Variants in PEBP4 observed in about 807,000 individuals in gnomAD.
PEBP4 encodes phosphatidylethanolamine binding protein 4.
A neutral mutation model predicts 23.9 loss-of-function variants in PEBP4; 22 were observed. That is an observed-to-expected ratio of 0.92 (90% confidence interval 0.66 to 1.31). The LOEUF (loss-of-function observed/expected upper bound fraction) is 1.31, where lower values mean the gene tolerates loss of function less well. PEBP4 is among the 40% of genes most tolerant of loss of function. PEBP4 has a pLI of 0.00. For missense variants in PEBP4, 324 were observed against 281.7 expected, an observed-to-expected ratio of 1.15 and a Z score of -1.07; for synonymous variants, 112 against 99.3, an observed-to-expected ratio of 1.13 and a Z score of -0.76.
chr8:22,896,644 C>T (rs1452556889), intron 3 of PEBP4, among the ~76,000 whole-genome samples: 1 of 152,198 alleles, frequency 6.6e-6, no homozygotes, highest in East Asian at 1.9e-4. Flanking sequence ...AGCTAAGGCT[C>T]AGCAGTGACA....
chr8:22,727,142 G>T, intron 5 of PEBP4, 33 bp downstream of exon 5: 1 of 1,611,848 alleles, frequency 6.2e-7, no homozygotes, highest in Non-Finnish European at 8.5e-7. Flanking sequence ...TGATGCCCTG[G>T]CTGGGGGAAG....
At chr8:22,826,484 T>C (rs978404577) in intron 3 of PEBP4, among the ~76,000 whole-genome samples, 1 of 152,182 alleles carries the variant, frequency 6.6e-6, no homozygotes, top group Admixed American at 6.5e-5. Context: ...AGAAAATAAG[T>C]GAACATTGTT....
chr8:22,938,005 C>G (rs1809562221), intron 1 of PEBP4, among the ~76,000 whole-genome samples: 1 of 152,158 alleles, frequency 6.6e-6, no homozygotes, highest in Non-Finnish European at 1.5e-5. Flanking sequence ...AGGGGAAAAT[C>G]TTCATGACAT....
intron 4 of PEBP4, among the ~76,000 whole-genome samples, chr8:22,760,485 T>G (rs868591803): frequency 6.6e-6 from 1 of 151,934 alleles, no homozygotes; most frequent in Non-Finnish European, 1.5e-5. Flanking sequence ...TGGATGCTTA[T>G]GGGATGAACA....
At chr8:22,875,303 T>G (rs1175881270) in intron 3 of PEBP4, among the ~76,000 whole-genome samples, 4 of 152,192 alleles carry the variant, frequency 2.6e-5, no homozygotes, top group Non-Finnish European at 5.9e-5. Context: ...CCCTTTTATT[T>G]TCTTTTTCCC....
chr8:22,788,873 A>G lies in PEBP4; in HGVS notation c.357+28764T>C, dbSNP rs73671294. Among the ~76,000 whole-genome samples, 632 of 151,382 alleles carry G rather than the reference A, an allele frequency of 4.2e-3. 7 individuals are homozygous for G. Among genetic ancestry groups the G allele is most frequent in the African/African-American group, 0.015 (612 of 41,284 alleles). ...TTCATTGTAGCGTTGGTGATAATAT[A>G]AAAAAAAAGCAGATACAACCTAATG... On this transcript the variant is annotated intron_variant, in intron 4 of 6. Transcript: ENST00000256404.
intron 4 of PEBP4, among the ~76,000 whole-genome samples, chr8:22,778,992 C>T (rs1398440347): frequency 6.3e-5 from 9 of 143,760 alleles, no homozygotes; most frequent in Middle Eastern, 3.5e-3. Context: ...GTGGGGGGCA[C>T]GGGCTGCATG....
intron 3 of PEBP4, among the ~76,000 whole-genome samples, chr8:22,840,362 G>T (rs1807298574): frequency 6.6e-6 from 1 of 151,728 alleles, no homozygotes; most frequent in Admixed American, 6.6e-5. Flanking sequence ...TGTCCCAAAA[G>T]AACATGGTTC....
chr8:22,865,463 C>T lies in PEBP4; in HGVS notation c.259-47728G>A, dbSNP rs911852214. Among the ~76,000 whole-genome samples the T allele has an allele frequency of 1.3e-5, 2 of 151,242 alleles. No homozygotes were observed. Among genetic ancestry groups the T allele is most frequent in the African/African-American group, 2.4e-5 (1 of 41,230 alleles). ...GGCGGGGGCCGCACTTTCCCCGCCG[C>T]GAGGTGGAGCGCGCCACCGCCCCCC... On this transcript the variant is annotated intron_variant, in intron 3 of 6. Transcript: ENST00000256404. The surrounding 1 kb of genome is among the most constrained non-coding windows in gnomAD (Gnocchi z 6.9).
chr8:22,872,121 G>A (rs1808018427), intron 3 of PEBP4, among the ~76,000 whole-genome samples: 1 of 152,124 alleles, frequency 6.6e-6, no homozygotes, highest in Non-Finnish European at 1.5e-5. Context: ...TCCTTTTCAT[G>A]GCTGGGTAGT....
At position 22,728,559 on chromosome 8, in the gene PEBP4, T is replaced by TTCCTTCCTTCCTTCCTTCCTTC. The variant is rs1804667047; in HGVS notation, c.358-1340_358-1339insGAAGGAAGGAAGGAAGGAAGGA. Among the ~76,000 whole-genome samples, 106 of 96,330 alleles carry TTCCTTCCTTCCTTCCTTCCTTC rather than the reference T, an allele frequency of 1.1e-3. 1 individual carries two copies. Among genetic ancestry groups the TTCCTTCCTTCCTTCCTTCCTTC allele is most frequent in the African/African-American group, 3.0e-3 (65 of 21,732 alleles). The allele number at this position is 96,330 out of a possible 152,430, so 63.2% of individuals were successfully genotyped here. ...TTCTTCCTTCCTTTCTTTCTTTCTT[T>TTCCTTCCTTCCTTCCTTCCTTC]CTTCCTTCCTTCCTTCCTTCCTTCC... On this transcript the variant is annotated intron_variant, in intron 4 of 6. Transcript: ENST00000256404.
intron 4 of PEBP4, among the ~76,000 whole-genome samples, chr8:22,779,959 T>C (rs903588740): frequency 6.6e-6 from 1 of 151,684 alleles, no homozygotes; most frequent in Non-Finnish European, 1.5e-5. Context: ...AAAATCTTTT[T>C]TTTTTTTTTG....
chr8:22,800,427 G>T (rs1806358862), intron 4 of PEBP4, among the ~76,000 whole-genome samples: 1 of 151,974 alleles, frequency 6.6e-6, no homozygotes, highest in Non-Finnish European at 1.5e-5. Flanking sequence ...GGCTTTTCTA[G>T]CTCTACGGTC....
chr8:22,739,802 C>G (rs529671504), intron 4 of PEBP4, among the ~76,000 whole-genome samples: 1 of 152,112 alleles, frequency 6.6e-6, no homozygotes, highest in South Asian at 2.1e-4. Context: ...CTACTGCCAA[C>G]GAGAAGATGG....
At chr8:22,910,713 A>G (rs1015914060) in intron 3 of PEBP4, among the ~76,000 whole-genome samples, 20 of 152,206 alleles carry the variant, frequency 1.3e-4, no homozygotes, top group African/African-American at 4.3e-4. Context: ...ATTTGAAAAG[A>G]CTACATATTG....
chr8:22,769,189 C>T (rs948272356), intron 4 of PEBP4, among the ~76,000 whole-genome samples: 6 of 152,232 alleles, frequency 3.9e-5, no homozygotes, highest in South Asian at 4.1e-4. Context: ...CTCAGTGCCC[C>T]CTCAGCCTCA....
chr8:22,742,329 C>T (rs1032766662), intron 4 of PEBP4, among the ~76,000 whole-genome samples: 5 of 152,230 alleles, frequency 3.3e-5, no homozygotes, highest in East Asian at 1.9e-4. Flanking sequence ...CATTCAGCCT[C>T]GATGGCCTGC....
chr8:22,734,179 CTG>C (rs1804802504), intron 4 of PEBP4, among the ~76,000 whole-genome samples: 7 of 152,226 alleles, frequency 4.6e-5, no homozygotes, highest in South Asian at 4.1e-4. Context: ...GCGGAAGGCA[CTG>C]ACAGCTCCCA....
intron 4 of PEBP4, among the ~76,000 whole-genome samples, chr8:22,811,214 G>C (rs575634093): frequency 6.6e-6 from 1 of 152,012 alleles, no homozygotes; most frequent in Non-Finnish European, 1.5e-5. Flanking sequence ...GTGAAAAAAA[G>C]CTATTTCAAA....
Sources: allele counts gnomAD v4.1 joint callset (sites outside exome capture counted in the v4.1 genomes callset), GRCh38; gene constraint gnomAD v4.1.1; non-coding constraint Gnocchi (gnomAD v3.1); transcripts MANE v1.5; gene names NCBI Gene and HGNC (gene_info 2026-07-23, HGNC 2026-07-21).